TRAPPC9: variants seen among roughly 807,000 people sequenced by gnomAD.
The protein encoded by TRAPPC9 is IKK2 binding protein.
A neutral mutation model predicts 124.0 loss-of-function variants in TRAPPC9; 83 were observed. The observed-to-expected ratio is 0.67, with a 90% CI of 0.56 to 0.80. TRAPPC9 has a LOEUF of 0.80. TRAPPC9 is among the 30% of genes least tolerant of loss of function. The pLI is 0.00. For missense variants in TRAPPC9, 1,302 were observed against 1,508.3 expected, an observed-to-expected ratio of 0.86 and a Z score of 2.27; for synonymous variants, 638 against 617.5, an observed-to-expected ratio of 1.03 and a Z score of -0.49.
rs1188523254 is a variant in TRAPPC9, at chr8:140,257,517, C to A, written c.2279-4588G>T. On this transcript the variant is annotated intron_variant, in intron 15 of 22. Transcript: ENST00000438773. This position sits in a 1 kb window ranked among gnomAD's most constrained non-coding sequence, Gnocchi z 4.6. The stretch of plus-strand genomic sequence containing the variant: ...AGGAGTGGGAAAAAGGACCCCGTGC[C>A]ATGCGAGCGCACAGGGGAGGGAGGA... Among the ~76,000 whole-genome samples, 2 of 152,212 alleles carry A rather than the reference C, an allele frequency of 1.3e-5. No homozygotes were observed.
intron 18 of TRAPPC9, among the ~76,000 whole-genome samples, chr8:140,015,530 T>C (rs1016435859): frequency 3.3e-5 from 5 of 152,042 alleles, no homozygotes; most frequent in Admixed American, 2.0e-4. Context: ...TTAAGAAAGA[T>C]AGAATTTAGC....
chr8:140,414,808 C>A (rs765195685), intron 5 of TRAPPC9, among the ~76,000 whole-genome samples: 12 of 152,098 alleles, frequency 7.9e-5, no homozygotes, highest in Non-Finnish European at 1.5e-4. Flanking sequence ...GTGGTGCGAT[C>A]TTGGCTCATT....
At chr8:140,452,045 C>T (rs867769231) in intron 1 of TRAPPC9, among the ~76,000 whole-genome samples, 15 of 149,726 alleles carry the variant, frequency 1.0e-4, no homozygotes, top group Middle Eastern at 3.5e-3. Context: ...CACTGGAACC[C>T]GGGAGGTGAA....
intron 15 of TRAPPC9, among the ~76,000 whole-genome samples, chr8:140,267,399 G>A (rs1270819870): frequency 6.6e-6 from 1 of 152,178 alleles, no homozygotes; most frequent in Non-Finnish European, 1.5e-5. Context: ...TCCCCATCCT[G>A]CGTTAACATT....
chr8:140,181,044 T>C (rs2062190305), intron 17 of TRAPPC9, among the ~76,000 whole-genome samples: 1 of 152,226 alleles, frequency 6.6e-6, no homozygotes, highest in African/African-American at 2.4e-5. Flanking sequence ...CAGGATTTTT[T>C]CTGCTTTCTA....
intron 7 of TRAPPC9, among the ~76,000 whole-genome samples, chr8:140,373,996 A>G (rs1320008611): frequency 6.6e-6 from 1 of 152,210 alleles, no homozygotes; most frequent in Non-Finnish European, 1.5e-5. Context: ...GAGTGTTCAT[A>G]AGCAAAAGCA....
intron 18 of TRAPPC9, among the ~76,000 whole-genome samples, chr8:139,999,607 C>G (rs1838260620): frequency 6.6e-6 from 1 of 151,986 alleles, no homozygotes; most frequent in South Asian, 2.1e-4. Context: ...CCACCAAGAG[C>G]AGAATATACA....
At chr8:140,394,357 G>T (rs2132364823) in intron 7 of TRAPPC9, among the ~76,000 whole-genome samples, 1 of 152,272 alleles carries the variant, frequency 6.6e-6, no homozygotes, top group East Asian at 1.9e-4. Context: ...CATAACACTT[G>T]CCCATCGCAG....
intron 17 of TRAPPC9, chr8:140,099,750 T>C (rs1223917328): frequency 7.3e-6 from 1 of 137,528 alleles, no homozygotes; most frequent in Admixed American, 7.3e-5. Flanking sequence ...TTCCACAGGG[T>C]AGGAACACCC....
At chr8:140,320,258 C>T (rs908641210) in intron 9 of TRAPPC9, among the ~76,000 whole-genome samples, 3 of 152,206 alleles carry the variant, frequency 2.0e-5, no homozygotes, top group Admixed American at 6.5e-5. Flanking sequence ...GAGGCTTCCA[C>T]TAAGCAGGGC....
At chr8:140,359,194 G>A (rs1158659738) in intron 9 of TRAPPC9, among the ~76,000 whole-genome samples, 5 of 152,100 alleles carry the variant, frequency 3.3e-5, no homozygotes, top group African/African-American at 1.2e-4. Context: ...GTCCAGTCTC[G>A]CCTCCATCTC....
chr8:139,782,603 T>A (rs1821911530), intron 21 of TRAPPC9, among the ~76,000 whole-genome samples: 1 of 152,174 alleles, frequency 6.6e-6, no homozygotes, highest in Admixed American at 6.5e-5. Flanking sequence ...AACAGACAAA[T>A]CTGCTATGGT....
intron 17 of TRAPPC9, among the ~76,000 whole-genome samples, chr8:140,176,769 C>G (rs2062080308): frequency 6.6e-6 from 1 of 152,212 alleles, no homozygotes; most frequent in Non-Finnish European, 1.5e-5. Context: ...TTTACATTCT[C>G]ATTCATAATA....
intron 16 of TRAPPC9, among the ~76,000 whole-genome samples, chr8:140,251,381 A>C (rs984014933): frequency 6.6e-6 from 1 of 152,372 alleles, no homozygotes; most frequent in African/African-American, 2.4e-5. Flanking sequence ...AACCAAAAAA[A>C]TCCGTGTCAT....
intron 9 of TRAPPC9, among the ~76,000 whole-genome samples, chr8:140,317,704 T>C (rs1384471574): frequency 6.6e-6 from 1 of 152,226 alleles, no homozygotes; most frequent in Non-Finnish European, 1.5e-5. Context: ...AAGAAAGTCA[T>C]GTCCCTACCC....
intron 19 of TRAPPC9, among the ~76,000 whole-genome samples, chr8:139,986,690 A>G (rs1420926493): frequency 6.6e-6 from 1 of 152,160 alleles, no homozygotes; most frequent in Non-Finnish European, 1.5e-5. Flanking sequence ...AGAGCTCAAC[A>G]CTGGCTTAGT....
intron 19 of TRAPPC9, among the ~76,000 whole-genome samples, chr8:139,947,910 AGAGAGAGAGAGAGC>A (rs1297920126): frequency 5.1e-5 from 3 of 58,282 alleles, no homozygotes; most frequent in South Asian, 1.5e-3. Context: ...ATATATATAG[AGAGAGAGAGAGAGC>A]GAGAGAGAGA....
intron 17 of TRAPPC9, among the ~76,000 whole-genome samples, chr8:140,155,265 C>T (rs557712025): frequency 6.6e-6 from 1 of 152,300 alleles, no homozygotes; most frequent in East Asian, 1.9e-4. Flanking sequence ...ACTCCCTCGC[C>T]TCAGGATTAG....
chr8:139,755,969 G>T (rs1819733106), intron 21 of TRAPPC9, among the ~76,000 whole-genome samples: 1 of 132,960 alleles, frequency 7.5e-6, no homozygotes, highest in African/African-American at 3.2e-5. Context: ...AGGGTTTGGG[G>T]ATGAGGACCG....
Sources: allele counts gnomAD v4.1 joint callset (sites outside exome capture counted in the v4.1 genomes callset), GRCh38; gene constraint gnomAD v4.1.1; non-coding constraint Gnocchi (gnomAD v3.1); transcripts MANE v1.5; gene names NCBI Gene and HGNC (gene_info 2026-07-23, HGNC 2026-07-21).